The following RBM27 variants were observed in gnomAD, a reference collection of about 807,000 sequenced individuals.
RBM27 encodes RNA binding motif protein 27.
Under a neutral mutation model 135.3 loss-of-function variants are expected in RBM27, and 22 were observed. The observed-to-expected ratio is 0.16, with a 90% CI of 0.12 to 0.23. RBM27 has a LOEUF of 0.23. RBM27 is among the 10% of genes least tolerant of loss of function. RBM27 has a pLI of 1.00. For synonymous variants in RBM27, 481 were observed against 442.4 expected (o/e 1.09, Z -1.10); for missense variants, 1,009 against 1,281.0 (o/e 0.79, Z 3.24).
At chr5:146,250,755 T>C (rs1757846596) in intron 8 of RBM27, among the ~76,000 whole-genome samples, 1 of 149,704 alleles carries the variant, frequency 6.7e-6, no homozygotes, top group African/African-American at 2.4e-5. Context: ...TCTGTTTATC[T>C]GTTTTTTTTT....
chr5:146,272,686 C>G lies in RBM27; in HGVS notation c.2988+1012C>G, dbSNP rs571006382. 5.5e-4 allele frequency among the ~76,000 whole-genome samples: 82 copies of G among 149,706 alleles called. 2 individuals are homozygous for G. Among genetic ancestry groups the G allele is most frequent in the Admixed American group, 5.5e-3 (82 of 14,986 alleles). Reference sequence around the variant, plus strand: ...GCAGTGAGCTGAGATAGTGCCATTGCACACCAGCCTGGGCCACAAGAGCGA... The same window carrying G: ...GCAGTGAGCTGAGATAGTGCCATTGGACACCAGCCTGGGCCACAAGAGCGA... On this transcript the variant is annotated intron_variant, in intron 19 of 20. Transcript: ENST00000265271.
intron 8 of RBM27, among the ~76,000 whole-genome samples, chr5:146,246,739 C>T (rs1383990508): frequency 6.6e-6 from 1 of 152,076 alleles, no homozygotes; most frequent in Non-Finnish European, 1.5e-5. Flanking sequence ...ATACAACATA[C>T]ATAAAAGTAG....
chr5:146,258,476 C>A lies in RBM27; in HGVS notation c.1622C>A (p.Pro541Gln), dbSNP rs775408390. The stretch of plus-strand genomic sequence containing the variant: ...GCTAACATTGTGATCCAGACTGAAC[C>A]ACCAGTTCCTGTTTCGATTAATAGC... ...RAANIVIQTE[P>Q]PVPVSINSNI... Residue 541 changes from proline (P) to glutamine (Q), a missense_variant, in exon 11 of 21, where the codon CCA becomes CAA. Around this residue, in one of 6 missense-constraint regions of RBM27, gnomAD observed 329 missense variants for 368.1 expected, o/e 0.89. Transcript: ENST00000265271. 4 of 1,587,020 alleles carry A rather than the reference C, an allele frequency of 2.5e-6. No individual in the cohort carries two copies. Among genetic ancestry groups the A allele is most frequent in the Non-Finnish European group, 3.4e-6 (4 of 1,167,416 alleles).
intron 19 of RBM27, among the ~76,000 whole-genome samples, chr5:146,276,918 G>A (rs995700568): frequency 5.3e-5 from 8 of 152,116 alleles, no homozygotes; most frequent in Non-Finnish European, 1.0e-4. Context: ...AATTTAAAAG[G>A]TAATATGGGT....
At chr5:146,260,645 G>A (rs1758356164) in intron 11 of RBM27, 100 bp from the exon 12 acceptor site, 1 of 976,002 alleles carries the variant, frequency 1.0e-6, no homozygotes, top group Admixed American at 3.2e-5. Flanking sequence ...AGCCACAAAA[G>A]GCACTTAAAA....
At chr5:146,214,972 G>A (rs371377625) in intron 1 of RBM27, among the ~76,000 whole-genome samples, 4 of 152,272 alleles carry the variant, frequency 2.6e-5, no homozygotes, top group South Asian at 4.1e-4. Context: ...ATATCAAAAT[G>A]TGTTTCATCA....
intron 10 of RBM27, among the ~76,000 whole-genome samples, chr5:146,256,581 C>T (rs915481802): frequency 5.9e-5 from 9 of 151,944 alleles, no homozygotes; most frequent in African/African-American, 1.9e-4. Flanking sequence ...GAACTCCTGA[C>T]CTCAGGTGAT....
intron 8 of RBM27, among the ~76,000 whole-genome samples, chr5:146,246,406 T>C (rs1252263603): frequency 2.6e-5 from 4 of 152,214 alleles, no homozygotes; most frequent in African/African-American, 9.6e-5. Flanking sequence ...GATGGGAACA[T>C]GAACTTGGGA....
chr5:146,286,979 T>C lies in RBM27; in HGVS notation c.*949T>C, dbSNP rs1269254836. The C allele has an allele frequency of 6.6e-6, 1 of 152,584 alleles. No homozygotes were observed. Among genetic ancestry groups the C allele is most frequent in the African/African-American group, 2.4e-5 (1 of 41,408 alleles). 9.5% of individuals were successfully genotyped at this position (152,584 alleles called of 1,614,324 possible). A position where few individuals can be genotyped will look rare whatever the true frequency, so the allele number is the denominator to read the frequency against. The stretch of plus-strand genomic sequence containing the variant: ...TAAATAAGTGATGTTTTGATGAGAA[T>C]GATGGAAGGATTTTGGGGAGAAGAG... On this transcript the variant is annotated 3_prime_UTR_variant, in exon 21 of 21. Coordinates refer to ENST00000265271, the MANE Select transcript of RBM27 (RefSeq NM_018989.2).
chr5:146,209,028 C>T (rs576730501), intron 1 of RBM27, among the ~76,000 whole-genome samples: 94 of 152,206 alleles, frequency 6.2e-4, no homozygotes, highest in African/African-American at 2.1e-3. Flanking sequence ...CCGTATCTAT[C>T]TCTAATTCAC....
At chr5:146,207,133 A>G (rs974046719) in intron 1 of RBM27, among the ~76,000 whole-genome samples, 1 of 152,252 alleles carries the variant, frequency 6.6e-6, no homozygotes, top group Non-Finnish European at 1.5e-5. Flanking sequence ...GCTACAACAT[A>G]GCATTTCAGA....
chr5:146,231,248 G>A (rs990279393), intron 6 of RBM27, among the ~76,000 whole-genome samples: 1 of 152,114 alleles, frequency 6.6e-6, no homozygotes, highest in African/African-American at 2.4e-5. Context: ...TCACACACAG[G>A]CATGTGCCAC....
chr5:146,259,890 G>A lies in RBM27; in HGVS notation c.1740-855G>A, dbSNP rs1054890888. ...CGGGAGGCTGAGGCAGGAGAATGGC[G>A]TGAACCCGGGAAGCAGAGCTTGCAG... On this transcript the variant is annotated intron_variant, in intron 11 of 20. Coordinates refer to ENST00000265271, the MANE Select transcript of RBM27 (RefSeq NM_018989.2). Among the ~76,000 whole-genome samples the A allele has an allele frequency of 2.8e-5, 4 of 145,334 alleles. No homozygotes were observed. In the East Asian group the frequency reaches 6.2e-4, roughly 22 times the overall value.
intron 1 of RBM27, among the ~76,000 whole-genome samples, chr5:146,211,404 A>G (rs1431225407): frequency 6.6e-6 from 1 of 151,254 alleles, no homozygotes; most frequent in East Asian, 1.9e-4. Context: ...ATCTTTAATA[A>G]ATATTAACAA....
chr5:146,233,611 G>A lies in RBM27; in HGVS notation c.1012G>A (p.Gly338Ser), dbSNP rs1757033230. The change falls in exon 7 of 21, where the codon GGT (glycine) becomes AGT (serine). Residue 338 changes from glycine to serine, a missense_variant. This residue lies in a region of RBM27 where 329 missense variants were observed against 368.1 expected (regional missense o/e 0.89). Coordinates refer to ENST00000265271, the MANE Select transcript of RBM27 (RefSeq NM_018989.2). Reference protein sequence around the residue: ...PPGMLMPPMPGPGPGPGPGPG... With the variant: ...PPGMLMPPMPSPGPGPGPGPG... ...TGGAATGTTAATGCCTCCAATGCCA[G>A]GTCCAGGCCCAGGCCCGGGCCCAGG... is the stretch of plus-strand genomic sequence containing the variant. 2.5e-6 allele frequency: 4 copies of A among 1,604,702 alleles called. No homozygotes were observed. In the East Asian group the frequency reaches 9.0e-5, roughly 36 times the overall value.
chr5:146,247,963 A>G (rs1757702295), intron 8 of RBM27, among the ~76,000 whole-genome samples: 1 of 152,220 alleles, frequency 6.6e-6, no homozygotes, highest in African/African-American at 2.4e-5. Context: ...CTAGCATTCC[A>G]TATAGTTGAC....
chr5:146,276,757 T>C (rs1468775616), intron 19 of RBM27, among the ~76,000 whole-genome samples: 1 of 152,176 alleles, frequency 6.6e-6, no homozygotes. Context: ...TCAGACCTTG[T>C]TAAAAAAGTA....
chr5:146,233,888 T>G (rs1757053930), intron 7 of RBM27, 145 bp downstream of exon 7: 3 of 560,112 alleles, frequency 5.4e-6, no homozygotes, highest in Non-Finnish European at 5.6e-6. Flanking sequence ...AAGATGCTAT[T>G]CTTTTCTTTT....
intron 7 of RBM27, among the ~76,000 whole-genome samples, chr5:146,236,253 A>G (rs569420116): frequency 1.3e-5 from 2 of 152,286 alleles, no homozygotes; most frequent in Admixed American, 1.3e-4. Context: ...TACAATTAGC[A>G]TTTTACTGTA....
Sources: allele counts gnomAD v4.1 joint callset (sites outside exome capture counted in the v4.1 genomes callset), GRCh38; gene constraint gnomAD v4.1.1; regional missense constraint gnomAD v4.1.1; transcripts MANE v1.5; gene names NCBI Gene and HGNC (gene_info 2026-07-23, HGNC 2026-07-21).